IGSF11: variants seen among roughly 807,000 people sequenced by gnomAD.
IGSF11 encodes the protein CXADR like 1.
In IGSF11, 22 loss-of-function variants were observed where a neutral mutation model predicts 41.0. The observed-to-expected ratio is 0.54, with a 90% CI of 0.38 to 0.77. IGSF11 has a LOEUF of 0.77. Ranked by LOEUF, IGSF11 falls within the 30% of genes least tolerant of loss-of-function variation. The pLI, the probability that IGSF11 is intolerant of heterozygous loss-of-function variation, is 0.00. For synonymous variants in IGSF11, 219 were observed against 201.3 expected, an observed-to-expected ratio of 1.09 and a Z score of -0.74; for missense variants, 444 against 530.8, an observed-to-expected ratio of 0.84 and a Z score of 1.61.
chr3:119,067,032 C>T (rs986290121), intron 1 of IGSF11, among the ~76,000 whole-genome samples: 2 of 152,112 alleles, frequency 1.3e-5, no homozygotes, highest in African/African-American at 2.4e-5. Flanking sequence ...CCACATGTGG[C>T]CCGAGCATAA....
chr3:119,050,036 C>A (rs796313646), intron 1 of IGSF11, among the ~76,000 whole-genome samples: 226 of 147,090 alleles, frequency 1.5e-3, no homozygotes, highest in South Asian at 4.8e-3. Flanking sequence ...GACCTAAAAC[C>A]ATAAAAACCC....
At chr3:119,082,377 T>C (rs1258023571) in intron 1 of IGSF11, among the ~76,000 whole-genome samples, 1 of 152,086 alleles carries the variant, frequency 6.6e-6, no homozygotes, top group Non-Finnish European at 1.5e-5. Context: ...AGGAATATGA[T>C]CAGTTATAAG....
At chr3:119,043,043 C>G (rs1941181906) in intron 1 of IGSF11, among the ~76,000 whole-genome samples, 1 of 152,138 alleles carries the variant, frequency 6.6e-6, no homozygotes, top group Non-Finnish European at 1.5e-5. Flanking sequence ...TGTTATAGCT[C>G]TATTAGAAGC....
chr3:119,144,768 TG>T (rs1310502288), intron 1 of IGSF11, among the ~76,000 whole-genome samples: 3 of 152,202 alleles, frequency 2.0e-5, no homozygotes, highest in Non-Finnish European at 2.9e-5. Context: ...TAGATTTGCA[TG>T]GGGGTATTTC....
intron 1 of IGSF11, among the ~76,000 whole-genome samples, chr3:119,016,317 C>A (rs1313949963): frequency 6.6e-6 from 1 of 152,046 alleles, no homozygotes; most frequent in African/African-American, 2.4e-5. Flanking sequence ...TAAAAACTGC[C>A]CAGAAATATG....
At chr3:118,943,522 G>A (rs1026223770) in intron 1 of IGSF11, among the ~76,000 whole-genome samples, 2 of 152,150 alleles carry the variant, frequency 1.3e-5, no homozygotes, top group Admixed American at 1.3e-4. Flanking sequence ...TTATTACAAT[G>A]ATAACCCTCT....
chr3:118,918,357 C>A (rs1403841966), intron 4 of IGSF11, among the ~76,000 whole-genome samples: 1 of 84,558 alleles, frequency 1.2e-5, no homozygotes. Context: ...ATCTAGAAAA[C>A]CCCATCGTCT....
upstream of IGSF11, among the ~76,000 whole-genome samples, chr3:119,107,569 T>C (rs1559871511): frequency 1.3e-5 from 2 of 152,098 alleles, no homozygotes; most frequent in Non-Finnish European, 2.9e-5. Context: ...TTTCTTTTGC[T>C]GTGCAGAAGC....
chr3:118,974,322 G>A (rs558588483), intron 1 of IGSF11, among the ~76,000 whole-genome samples: 140 of 152,290 alleles, frequency 9.2e-4, no homozygotes, highest in African/African-American at 3.2e-3. Flanking sequence ...ACACAAGTAA[G>A]TTGAATTGAA....
intron 1 of IGSF11, among the ~76,000 whole-genome samples, chr3:118,941,712 C>G (rs922714926): frequency 6.6e-6 from 1 of 152,130 alleles, no homozygotes; most frequent in African/African-American, 2.4e-5. Context: ...ATACCAGACA[C>G]AACTCAAATG....
chr3:119,004,367 G>C (rs1937252157), intron 1 of IGSF11, among the ~76,000 whole-genome samples: 1 of 150,368 alleles, frequency 6.7e-6, no homozygotes, highest in South Asian at 2.1e-4. Context: ...TTCTTTATTA[G>C]TCTTGCTAGC....
At chr3:119,099,595 G>A (rs1210222021) in intron 1 of IGSF11, among the ~76,000 whole-genome samples, 1 of 152,188 alleles carries the variant, frequency 6.6e-6, no homozygotes, top group Non-Finnish European at 1.5e-5. Flanking sequence ...CTACACATGA[G>A]TAGAAAATTA....
chr3:118,949,952 T>C (rs147497845), intron 1 of IGSF11, among the ~76,000 whole-genome samples: 331 of 152,288 alleles, frequency 2.2e-3, no homozygotes, highest in Middle Eastern at 6.8e-3. Context: ...AAATTGGCCT[T>C]AGTCCTCAAG....
Position 118,912,138 on chromosome 3 carries a change from A to G in IGSF11, c.581-6420T>C, listed in dbSNP as rs923538200. On this transcript the variant is annotated intron_variant, in intron 4 of 6. Transcript: ENST00000393775. ...AAGAATGGATAGAAAATGAATTGCCATTATTTGCATATAATTTTTAAAAAC... is the reference window on the plus strand; with the variant it reads ...AAGAATGGATAGAAAATGAATTGCCGTTATTTGCATATAATTTTTAAAAAC... 3.3e-5 allele frequency among the ~76,000 whole-genome samples: 5 copies of G among 152,252 alleles called. No homozygotes were observed. The South Asian group carries it at 8.3e-4, about 25-fold the overall frequency.
intron 1 of IGSF11, among the ~76,000 whole-genome samples, chr3:119,073,562 G>A (rs1469678564): frequency 6.6e-6 from 1 of 152,224 alleles, no homozygotes; most frequent in Admixed American, 6.5e-5. Flanking sequence ...GAAGGCAGCT[G>A]AGGCCCGGTG....
intron 1 of IGSF11, among the ~76,000 whole-genome samples, chr3:118,937,894 C>T (rs2107550329): frequency 6.6e-6 from 1 of 152,220 alleles, no homozygotes; most frequent in South Asian, 2.1e-4. Context: ...TGACTTCTCC[C>T]CTTCAACCAC....
chr3:118,931,257 T>C (rs1942825085), intron 1 of IGSF11, among the ~76,000 whole-genome samples: 1 of 152,222 alleles, frequency 6.6e-6, no homozygotes, highest in African/African-American at 2.4e-5. Context: ...TTCATAAACC[T>C]AAATCATCGT....
intron 1 of IGSF11, among the ~76,000 whole-genome samples, chr3:119,111,818 C>G (rs1027137211): frequency 6.6e-6 from 1 of 152,190 alleles, no homozygotes; most frequent in African/African-American, 2.4e-5. Context: ...CAGACAGGAC[C>G]CTCAACTGCA....
At chr3:118,949,638 A>G (rs928970690) in intron 1 of IGSF11, among the ~76,000 whole-genome samples, 2 of 152,312 alleles carry the variant, frequency 1.3e-5, no homozygotes, top group East Asian at 3.9e-4. Context: ...ATTATTCTCA[A>G]CATTCTTGCA....
Sources: allele counts gnomAD v4.1 joint callset (sites outside exome capture counted in the v4.1 genomes callset), GRCh38; gene constraint gnomAD v4.1.1; transcripts MANE v1.5; gene names NCBI Gene and HGNC (gene_info 2026-07-23, HGNC 2026-07-21).